PTPRT: variants seen among roughly 807,000 people sequenced by gnomAD.
The protein encoded by PTPRT is receptor-type tyrosine-protein phosphatase T.
Under a neutral mutation model 176.8 loss-of-function variants are expected in PTPRT, and 56 were observed. The observed-to-expected ratio is 0.32, with a 90% confidence interval of 0.26 to 0.40. The LOEUF (loss-of-function observed/expected upper bound fraction) is 0.40, where lower values mean the gene tolerates loss of function less well. Among genes scored for constraint, PTPRT ranks in the 10% least tolerant of loss-of-function variants. The probability of loss-of-function intolerance (pLI) is 1.00; values close to 1 mark genes in which losing one functional copy is unlikely to be tolerated. For synonymous variants in PTPRT, 783 were observed against 739.0 expected (o/e 1.06, Z -0.96); for missense variants, 1,540 against 1,908.2 (o/e 0.81, Z 3.60).
At chr20:42,681,576 C>T (rs2075604803) in intron 6 of PTPRT, among the ~76,000 whole-genome samples, 1 of 152,128 alleles carries the variant, frequency 6.6e-6, no homozygotes, top group South Asian at 2.1e-4. Context: ...AAACGATGTG[C>T]CCTGGACACT....
chr20:42,514,849 C>T (rs2072031649), intron 7 of PTPRT, among the ~76,000 whole-genome samples: 1 of 152,194 alleles, frequency 6.6e-6, no homozygotes, highest in South Asian at 2.1e-4. Context: ...AACCGTTCCA[C>T]ATATGTATAG....
intron 14 of PTPRT, among the ~76,000 whole-genome samples, chr20:42,243,643 T>C (rs892433384): frequency 1.3e-5 from 2 of 152,176 alleles, no homozygotes; most frequent in African/African-American, 4.8e-5. Context: ...AGGAAAGTGG[T>C]ACCGAATCTG....
At chr20:42,854,161 TG>T (rs1444072427) in intron 2 of PTPRT, among the ~76,000 whole-genome samples, 1 of 152,196 alleles carries the variant, frequency 6.6e-6, no homozygotes, top group East Asian at 1.9e-4. Context: ...GATGTAATGG[TG>T]ACATTCCATC....
chr20:42,429,356 G>A (rs1421755837), intron 9 of PTPRT, among the ~76,000 whole-genome samples: 2 of 152,136 alleles, frequency 1.3e-5, no homozygotes, highest in African/African-American at 4.8e-5. Context: ...AGGTATCGTG[G>A]AGGAGTGAAC....
chr20:42,386,321 A>G lies in PTPRT; in HGVS notation c.1561-34036T>C, dbSNP rs533666911. Among the ~76,000 whole-genome samples, 3 of 152,212 alleles carry G rather than the reference A, an allele frequency of 2.0e-5. No individual in the cohort carries two copies. The South Asian group carries it at 6.2e-4, about 32-fold the overall frequency. The stretch of plus-strand genomic sequence containing the variant: ...AGATTTTGTCTTTGGCTTTAGTGGT[A>G]TAATTGAAAAACTGTCCCAGGAGTT... On this transcript the variant is annotated intron_variant, in intron 9 of 30. Coordinates refer to ENST00000373187, the MANE Select transcript of PTPRT (RefSeq NM_007050.6).
At chr20:43,107,604 G>C (rs1396614282) in intron 1 of PTPRT, among the ~76,000 whole-genome samples, 1 of 152,208 alleles carries the variant, frequency 6.6e-6, no homozygotes, top group Non-Finnish European at 1.5e-5. Flanking sequence ...AGTCAGCCAC[G>C]TTAACAGGCA....
intron 1 of PTPRT, among the ~76,000 whole-genome samples, chr20:42,890,959 C>T (rs1568663628): frequency 3.3e-5 from 5 of 152,286 alleles, no homozygotes; most frequent in South Asian, 4.1e-4. Flanking sequence ...TTTCCCCTTT[C>T]GCTTGGCTCT....
chr20:42,880,537 A>G (rs1410494164), intron 2 of PTPRT, among the ~76,000 whole-genome samples: 1 of 152,114 alleles, frequency 6.6e-6, no homozygotes, highest in Admixed American at 6.5e-5. Context: ...CAGCACTCAC[A>G]TCTTCCTTCA....
chr20:42,888,702 G>A (rs1182952200), intron 1 of PTPRT, among the ~76,000 whole-genome samples: 1 of 152,170 alleles, frequency 6.6e-6, no homozygotes, highest in African/African-American at 2.4e-5. Context: ...GAACTTCCAA[G>A]GTGGTTGGGC....
At chr20:43,019,391 C>G (rs904608946) in intron 1 of PTPRT, among the ~76,000 whole-genome samples, 5 of 151,946 alleles carry the variant, frequency 3.3e-5, no homozygotes, top group African/African-American at 1.2e-4. Context: ...GAGGTCAAGG[C>G]GGGCAGATCA....
chr20:42,400,587 C>T lies in PTPRT; in HGVS notation c.1560+47633G>A, dbSNP rs1051184400. On this transcript the variant is annotated intron_variant, in intron 9 of 30. Coordinates refer to ENST00000373187, the MANE Select transcript of PTPRT (RefSeq NM_007050.6). ...GCCACATCTTGCTGGATAAGGTGGA[C>T]TGTGCAGGGCAGAGAGAGTATGAAG... 1.1e-4 allele frequency among the ~76,000 whole-genome samples: 17 copies of T among 151,924 alleles called. 1 individual carries two copies. The highest frequency in any genetic ancestry group is 9.2e-4 in the Admixed American group (14 of 15,250).
At chr20:42,529,309 G>A (rs1235507304) in intron 7 of PTPRT, among the ~76,000 whole-genome samples, 1 of 152,084 alleles carries the variant, frequency 6.6e-6, no homozygotes, top group Non-Finnish European at 1.5e-5. Context: ...GAATAGTACG[G>A]GGAAGGGCAC....
chr20:43,100,779 T>A (rs1169061987), intron 1 of PTPRT, among the ~76,000 whole-genome samples: 1 of 151,604 alleles, frequency 6.6e-6, no homozygotes, highest in East Asian at 1.9e-4. Flanking sequence ...CAGACAGGCA[T>A]AATAGCGCAA....
intron 7 of PTPRT, among the ~76,000 whole-genome samples, chr20:42,661,970 AT>A (rs1455582977): frequency 6.6e-6 from 1 of 152,144 alleles, no homozygotes; most frequent in African/African-American, 2.4e-5. Flanking sequence ...CTCAGGCATC[AT>A]TTTGGCTGAG....
rs184542216 is a variant in PTPRT at position 42,556,130 on chromosome 20, A to G, written c.1154-83568T>C. On this transcript the variant is annotated intron_variant, in intron 7 of 30. Coordinates refer to ENST00000373187, the MANE Select transcript of PTPRT (RefSeq NM_007050.6). ...CTTTCTCTCTGCGTTTGTTCACACT[A>G]TCTCCTCAGGCAGGGACTTGCCTAG... Among the ~76,000 whole-genome samples, 7 of 152,286 alleles carry G rather than the reference A, an allele frequency of 4.6e-5. No homozygotes were observed. In the East Asian group the frequency reaches 5.8e-4, roughly 13 times the overall value.
intron 1 of PTPRT, among the ~76,000 whole-genome samples, chr20:42,915,084 A>G (rs1430540450): frequency 2.0e-5 from 3 of 152,062 alleles, no homozygotes; most frequent in African/African-American, 7.2e-5. Context: ...AGCAGTCCCA[A>G]CTTTGGCCAT....
At chr20:42,524,449 G>T (rs1309764500) in intron 7 of PTPRT, among the ~76,000 whole-genome samples, 1 of 152,036 alleles carries the variant, frequency 6.6e-6, no homozygotes, top group Non-Finnish European at 1.5e-5. Context: ...TCTTCATTTT[G>T]CGGATTTTTC....
chr20:42,758,703 A>G (rs2076872528), intron 5 of PTPRT, among the ~76,000 whole-genome samples: 1 of 152,238 alleles, frequency 6.6e-6, no homozygotes, highest in South Asian at 2.1e-4. Flanking sequence ...CATGTGGAAT[A>G]GTTAGTACAC....
chr20:42,318,109 TAAC>T (rs1439675127), intron 11 of PTPRT, among the ~76,000 whole-genome samples: 1 of 152,238 alleles, frequency 6.6e-6, no homozygotes, highest in Non-Finnish European at 1.5e-5. Context: ...GAGAAGGTGT[TAAC>T]AATCCAAAGT....
Sources: allele counts gnomAD v4.1 joint callset (sites outside exome capture counted in the v4.1 genomes callset), GRCh38; gene constraint gnomAD v4.1.1; transcripts MANE v1.5; gene names NCBI Gene and HGNC (gene_info 2026-07-23, HGNC 2026-07-21).